Variants in SRPK2 observed in about 807,000 individuals in gnomAD.
SRPK2 encodes the protein SRSF protein kinase 2, also known as SFRS protein kinase 2.
In SRPK2, 21 loss-of-function variants were observed where a neutral mutation model predicts 90.8. The ratio of observed to expected loss-of-function variants is 0.23; its 90% CI spans 0.16 to 0.33. SRPK2 has a LOEUF of 0.33. Among genes scored for constraint, SRPK2 ranks in the 10% least tolerant of loss-of-function variants. The probability of loss-of-function intolerance (pLI) is 1.00; values close to 1 mark genes in which losing one functional copy is unlikely to be tolerated. For synonymous variants in SRPK2, 288 were observed against 311.1 expected (o/e 0.93, Z 0.78); for missense variants, 620 against 869.0 (o/e 0.71, Z 3.60).
chr7:105,213,533 A>G (rs570895552), intron 2 of SRPK2, among the ~76,000 whole-genome samples: 1 of 152,230 alleles, frequency 6.6e-6, no homozygotes, highest in Admixed American at 6.5e-5. Flanking sequence ...AGCCACCAAC[A>G]TTATAATCTA....
At chr7:105,121,553 C>T (rs1800386621) in intron 15 of SRPK2, among the ~76,000 whole-genome samples, 2 of 152,208 alleles carry the variant, frequency 1.3e-5, no homozygotes, top group Non-Finnish European at 2.9e-5. Flanking sequence ...CTGTCAATCT[C>T]AGTATCAACT....
rs1439850415 is a variant in SRPK2 at position 105,181,890 on chromosome 7, AAAAAAACAGAAAAC to A, written c.230-12639_230-12626del. On this transcript the variant is annotated intron_variant, in intron 3 of 15. Transcript: ENST00000393651. ...GAACCTAAGATAAAAGTAAAAAAAAAAAAAAACAGAAAACACACACACAAAAACCAAATGTAGGC... is the reference window on the plus strand; with the variant it reads ...GAACCTAAGATAAAAGTAAAAAAAAAACACACACAAAAACCAAATGTAGGC... Among the ~76,000 whole-genome samples the A allele has an allele frequency of 2.0e-5, 3 of 147,510 alleles. 1 individual carries two copies. In the East Asian group the frequency reaches 5.9e-4, roughly 29 times the overall value.
chr7:105,181,088 G>A lies in SRPK2; in HGVS notation c.230-11823C>T, dbSNP rs73186006. 5.1e-3 allele frequency among the ~76,000 whole-genome samples: 773 copies of A among 152,134 alleles called. 5 individuals are homozygous for A. The highest frequency in any genetic ancestry group is 7.0e-3 in the Non-Finnish European group (478 of 67,996). On this transcript the variant is annotated intron_variant, in intron 3 of 15. Coordinates refer to ENST00000393651, the MANE Select transcript of SRPK2 (RefSeq NM_182692.3). ...TGAATAGACATTTTCAAAAGAAGAC[G>A]TACATGCGGCCAATAAGCATATAAA...
intron 2 of SRPK2, among the ~76,000 whole-genome samples, chr7:105,348,429 T>C (rs573565072): frequency 4.7e-5 from 7 of 148,890 alleles, no homozygotes; most frequent in African/African-American, 9.8e-5. Flanking sequence ...TTCTTTCTTT[T>C]TTTTTTTTTT....
intron 2 of SRPK2, among the ~76,000 whole-genome samples, chr7:105,318,861 G>A (rs559595021): frequency 2.6e-5 from 4 of 152,256 alleles, no homozygotes; most frequent in East Asian, 1.9e-4. Context: ...TAATAGCAGC[G>A]AGGTATCAGT....
Position 105,116,461 on chromosome 7 carries a change from C to A in SRPK2, c.*1377G>T, listed in dbSNP as rs904109581. ...GGATTATTGTTACAACACTTGTTAGCTTTTCACAATCTAGTTATTGCAAAG... is the reference window on the plus strand; with the variant it reads ...GGATTATTGTTACAACACTTGTTAGATTTTCACAATCTAGTTATTGCAAAG... On this transcript the variant is annotated 3_prime_UTR_variant, in exon 16 of 16. Transcript: ENST00000393651. 6.6e-6 allele frequency: 1 copy of A among 152,422 alleles called. No homozygotes were observed. The highest frequency in any genetic ancestry group is 1.5e-5 in the Non-Finnish European group (1 of 67,968). 9.4% of individuals were successfully genotyped at this position (152,422 alleles called of 1,614,324 possible). A position where few individuals can be genotyped will look rare whatever the true frequency, so the allele number is the denominator to read the frequency against.
At chr7:105,156,683 T>C (rs1299376314) in intron 7 of SRPK2, among the ~76,000 whole-genome samples, 2 of 152,048 alleles carry the variant, frequency 1.3e-5, no homozygotes, top group Non-Finnish European at 2.9e-5. Context: ...AAATTTTGTT[T>C]GGTAGAGACA....
intron 2 of SRPK2, among the ~76,000 whole-genome samples, chr7:105,266,593 C>T (rs182645881): frequency 6.6e-6 from 1 of 152,050 alleles, no homozygotes; most frequent in Admixed American, 6.6e-5. Context: ...TGACTATATG[C>T]AAATTCCAAA....
chr7:105,276,573 T>TAA (rs111355343), intron 2 of SRPK2, among the ~76,000 whole-genome samples: 5 of 137,586 alleles, frequency 3.6e-5, no homozygotes, highest in East Asian at 2.1e-4. Context: ...CTTCATCTCT[T>TAA]AAAAAAAAAA....
chr7:105,194,614 C>G (rs1016164383), intron 3 of SRPK2, among the ~76,000 whole-genome samples: 1 of 152,128 alleles, frequency 6.6e-6, no homozygotes, highest in Non-Finnish European at 1.5e-5. Context: ...CCTAAATAAA[C>G]AGACACAATA....
At position 105,323,201 on chromosome 7, in the gene SRPK2, A is replaced by G. The variant is rs566239981; in HGVS notation, c.71+65447T>C. On this transcript the variant is annotated intron_variant, in intron 2 of 15. Transcript: ENST00000393651. Reference sequence around the variant, plus strand: ...TGAGACTCCATCCAAAAAGAAAAAAAAAGTCCTACAAAAAGAAACAGTAAG... The same window carrying G: ...TGAGACTCCATCCAAAAAGAAAAAAGAAGTCCTACAAAAAGAAACAGTAAG... 2.3e-3 allele frequency among the ~76,000 whole-genome samples: 347 copies of G among 152,340 alleles called. 1 individual carries two copies. Among genetic ancestry groups the G allele is most frequent in the African/African-American group, 8.0e-3 (334 of 41,594 alleles).
chr7:105,116,456 G>A lies in SRPK2; in HGVS notation c.*1382C>T, dbSNP rs772503094. On this transcript the variant is annotated 3_prime_UTR_variant, in exon 16 of 16. Transcript: ENST00000393651. ...ACAATGGATTATTGTTACAACACTTGTTAGCTTTTCACAATCTAGTTATTG... is the reference window on the plus strand; with the variant it reads ...ACAATGGATTATTGTTACAACACTTATTAGCTTTTCACAATCTAGTTATTG... 1.3e-5 allele frequency: 2 copies of A among 152,344 alleles called. No individual in the cohort carries two copies. Among genetic ancestry groups the A allele is most frequent in the Non-Finnish European group, 2.9e-5 (2 of 67,960 alleles). The allele number at this position is 152,344 out of a possible 1,614,324, so 9.4% of individuals were successfully genotyped here.
In SRPK2 at chr7:105,282,012, T is replaced by C. The variant is rs954495039; in HGVS notation, c.72-78227A>G. 2.0e-5 allele frequency among the ~76,000 whole-genome samples: 3 copies of C among 152,004 alleles called. No homozygotes were observed. The East Asian group carries it at 5.8e-4, about 29-fold the overall frequency. The stretch of plus-strand genomic sequence containing the variant: ...GTACAATGAATAGCCAAAACAATCT[T>C]GAAAAAAGAAAAAGTTGGAGGACTC... On this transcript the variant is annotated intron_variant, in intron 2 of 15. Transcript: ENST00000393651.
intron 2 of SRPK2, chr7:105,306,504 C>T (rs1811159590): frequency 2.2e-6 from 1 of 455,034 alleles, no homozygotes; most frequent in African/African-American, 2.0e-5. Context: ...ACCAACACTT[C>T]CTTTGAAATC....
At chr7:105,374,699 G>C (rs765702277) in intron 2 of SRPK2, among the ~76,000 whole-genome samples, 1 of 152,060 alleles carries the variant, frequency 6.6e-6, no homozygotes, top group Non-Finnish European at 1.5e-5. Context: ...TCCACCTCCC[G>C]GGTTCAAGCA....
chr7:105,307,010 G>A (rs972698634), intron 2 of SRPK2, among the ~76,000 whole-genome samples: 10 of 152,126 alleles, frequency 6.6e-5, no homozygotes, highest in East Asian at 3.9e-4. Context: ...GAAAGAGACC[G>A]AATAGCAGGC....
intron 2 of SRPK2, among the ~76,000 whole-genome samples, chr7:105,285,385 C>CA (rs58399129): frequency 0.047 from 4,964 of 105,378 alleles, 103 homozygotes; most frequent in African/African-American, 0.059. Context: ...ACCCCGTCTC[C>CA]AAAAAAAAAA....
chr7:105,214,769 A>G (rs1342636131), intron 2 of SRPK2, among the ~76,000 whole-genome samples: 1 of 152,230 alleles, frequency 6.6e-6, no homozygotes, highest in Non-Finnish European at 1.5e-5. Context: ...CCAATATGGG[A>G]AAATGCCCCC....
chr7:105,220,075 A>T (rs1797913589), intron 2 of SRPK2, among the ~76,000 whole-genome samples: 1 of 152,252 alleles, frequency 6.6e-6, no homozygotes, highest in African/African-American at 2.4e-5. Context: ...ACTTAATCAT[A>T]AAAAATGAAA....
Sources: allele counts gnomAD v4.1 joint callset (sites outside exome capture counted in the v4.1 genomes callset), GRCh38; gene constraint gnomAD v4.1.1; transcripts MANE v1.5; gene names NCBI Gene and HGNC (gene_info 2026-07-23, HGNC 2026-07-21).